HERPUD2: variants seen among roughly 807,000 people sequenced by gnomAD.
The protein encoded by HERPUD2 is HERPUD family member 2.
HERPUD2 carries 13 observed loss-of-function variants against 49.9 expected under a neutral mutation model. That is an observed-to-expected ratio of 0.26 (90% CI 0.17 to 0.41). The LOEUF (loss-of-function observed/expected upper bound fraction) is 0.41, where lower values mean the gene tolerates loss of function less well. Ranked by LOEUF, HERPUD2 falls within the 10% of genes least tolerant of loss-of-function variation. The pLI is 1.00. For synonymous variants in HERPUD2, 172 were observed against 171.4 expected (o/e 1.00, Z -0.03); for missense variants, 449 against 492.2 (o/e 0.91, Z 0.83).
chr7:35,670,144 A>T, intron 4 of HERPUD2, 71 bp downstream of exon 4: 1 of 663,284 alleles, frequency 1.5e-6, no homozygotes, highest in Non-Finnish European at 2.5e-6. Context: ...TTTAGTTTTT[A>T]GAGGCAAAAA....
intron 5 of HERPUD2, among the ~76,000 whole-genome samples, chr7:35,662,611 A>T (rs1249293767): frequency 6.6e-6 from 1 of 152,094 alleles, no homozygotes; most frequent in Non-Finnish European, 1.5e-5. Context: ...GGGAGGGTGT[A>T]TGTGTCGAGG....
chr7:35,652,016 C>T (rs1376690446), intron 5 of HERPUD2, among the ~76,000 whole-genome samples: 1 of 152,116 alleles, frequency 6.6e-6, no homozygotes, highest in African/African-American at 2.4e-5. Flanking sequence ...GGCAAAACTC[C>T]TTATCTGGGG....
At chr7:35,657,891 C>T (rs1785315688) in intron 5 of HERPUD2, among the ~76,000 whole-genome samples, 1 of 150,824 alleles carries the variant, frequency 6.6e-6, no homozygotes, top group Admixed American at 6.6e-5. Context: ...CACTGCACTC[C>T]AGCCTGGGAG....
At chr7:35,684,615 G>A (rs1583570570) in intron 2 of HERPUD2, among the ~76,000 whole-genome samples, 2 of 152,114 alleles carry the variant, frequency 1.3e-5, no homozygotes, top group South Asian at 2.1e-4. Flanking sequence ...TGAGACTGGA[G>A]ACTATTATTC....
At chr7:35,664,457 T>C (rs1785496580) in intron 5 of HERPUD2, among the ~76,000 whole-genome samples, 1 of 152,232 alleles carries the variant, frequency 6.6e-6, no homozygotes, top group African/African-American at 2.4e-5. Flanking sequence ...GTTGGGGAAG[T>C]TCTCCTGGAT....
In HERPUD2 at chr7:35,670,891, T is replaced by C. The variant is rs534485381; in HGVS notation, c.226-563A>G. ...ATGTTTTTCCATAAACCTAGAAATA[T>C]GACTGAAGAAAAATATTCCAAATAA... On this transcript the variant is annotated intron_variant, in intron 3 of 8. Coordinates refer to ENST00000311350, the MANE Select transcript of HERPUD2 (RefSeq NM_022373.5). 5.9e-5 allele frequency among the ~76,000 whole-genome samples: 9 copies of C among 152,220 alleles called. 1 individual carries two copies. The East Asian group carries it at 1.7e-3, about 29-fold the overall frequency.
chr7:35,688,294 C>G (rs1562689254), intron 2 of HERPUD2, among the ~76,000 whole-genome samples: 1 of 152,168 alleles, frequency 6.6e-6, no homozygotes, highest in African/African-American at 2.4e-5. Context: ...GGCACAGTCA[C>G]CCAAACTGCC....
chr7:35,674,402 TATAGAG>T (rs1785709810), intron 2 of HERPUD2, among the ~76,000 whole-genome samples: 4 of 54,448 alleles, frequency 7.3e-5, no homozygotes, highest in African/African-American at 3.1e-4. Flanking sequence ...TATATATATA[TATAGAG>T]AGAGAGAGAG....
At chr7:35,667,073 C>T (rs577666930) in intron 5 of HERPUD2, among the ~76,000 whole-genome samples, 11 of 152,272 alleles carry the variant, frequency 7.2e-5, no homozygotes, top group Admixed American at 1.3e-4. Flanking sequence ...TACGTAGATC[C>T]TTGCTATTCA....
rs1244141791 is a variant in HERPUD2 at position 35,690,214 on chromosome 7, C to T, written c.147+3970G>A. Among the ~76,000 whole-genome samples, 7 of 152,208 alleles carry T rather than the reference C, an allele frequency of 4.6e-5. 1 individual carries two copies. Among genetic ancestry groups the T allele is most frequent in the Admixed American group, 3.9e-4 (6 of 15,288 alleles). The stretch of plus-strand genomic sequence containing the variant: ...AGTGATGTCAAATGTCATATTACAA[C>T]TCACAATTATCTATATATTCTGTAA... On this transcript the variant is annotated intron_variant, in intron 2 of 8. Transcript: ENST00000311350.
intron 2 of HERPUD2, among the ~76,000 whole-genome samples, chr7:35,673,954 A>T (rs1176359380): frequency 2.0e-5 from 3 of 152,158 alleles, no homozygotes; most frequent in Non-Finnish European, 4.4e-5. Context: ...AGAATATGAA[A>T]TTACGTAAAA....
Position 35,635,014 on chromosome 7 carries a change from A to G in HERPUD2, c.941+121T>C, listed in dbSNP as rs1784846866. Reference sequence around the variant, plus strand: ...GCTTTTGGCATCAAAAACATGCCAGATATCTAAAGCCCAGCATTCATATTC... The same window carrying G: ...GCTTTTGGCATCAAAAACATGCCAGGTATCTAAAGCCCAGCATTCATATTC... On this transcript the variant is annotated intron_variant, in intron 7 of 8. Transcript: ENST00000311350. 4.4e-6 allele frequency: 3 copies of G among 677,132 alleles called. No individual in the cohort carries two copies. The South Asian group carries it at 6.6e-5, about 15-fold the overall frequency. The allele number at this position is 677,132 out of a possible 1,614,324, so 41.9% of individuals were successfully genotyped here.
intron 5 of HERPUD2, 96 bp from the exon 6 acceptor site, chr7:35,638,568 A>C: frequency 8.7e-7 from 1 of 1,154,970 alleles, no homozygotes; most frequent in Non-Finnish European, 1.2e-6. Context: ...CCATTGACAG[A>C]ATATATTTAA....
At chr7:35,638,704 A>G (rs1005267926) in intron 5 of HERPUD2, among the ~76,000 whole-genome samples, 1 of 152,210 alleles carries the variant, frequency 6.6e-6, no homozygotes, top group Non-Finnish European at 1.5e-5. Context: ...TTAAAGGGAA[A>G]ACAAAGAGAA....
chr7:35,658,531 C>G (rs998385106), intron 5 of HERPUD2, among the ~76,000 whole-genome samples: 2 of 152,160 alleles, frequency 1.3e-5, no homozygotes, highest in Admixed American at 1.3e-4. Flanking sequence ...CTGACTTGAT[C>G]ATTACACATT....
At chr7:35,682,378 T>C (rs1243896026) in intron 2 of HERPUD2, among the ~76,000 whole-genome samples, 14 of 138,144 alleles carry the variant, frequency 1.0e-4, no homozygotes, top group African/African-American at 3.6e-4. Flanking sequence ...TATATATATA[T>C]ATATATATAC....
intron 5 of HERPUD2, among the ~76,000 whole-genome samples, chr7:35,662,660 G>A (rs555696769): frequency 1.1e-3 from 162 of 152,200 alleles, no homozygotes; most frequent in African/African-American, 3.6e-3. Flanking sequence ...GTTTATTTGC[G>A]TAGAGGTGTT....
At chr7:35,650,245 G>T (rs1474620331) in intron 5 of HERPUD2, among the ~76,000 whole-genome samples, 3 of 152,146 alleles carry the variant, frequency 2.0e-5, no homozygotes, top group Non-Finnish European at 4.4e-5. Flanking sequence ...CTACGGCAAA[G>T]AAGGAGAGGG....
At chr7:35,682,211 G>T (rs546532270) in intron 2 of HERPUD2, among the ~76,000 whole-genome samples, 28 of 137,608 alleles carry the variant, frequency 2.0e-4, no homozygotes, top group Admixed American at 7.2e-4. Context: ...GCTAATTTTT[G>T]TGTGTGTGTG....
Sources: gnomAD v4.1 joint callset for allele counts (sites outside exome capture counted in the v4.1 genomes callset) on GRCh38, gnomAD v4.1.1 for gene constraint, MANE v1.5 for transcripts, NCBI Gene and HGNC (gene_info 2026-07-23, HGNC 2026-07-21) for gene names.